The following PDE4B variants were observed in gnomAD, a reference collection of about 807,000 sequenced individuals.
The protein encoded by PDE4B is 3',5'-cyclic-AMP phosphodiesterase 4B.
PDE4B carries 20 observed loss-of-function variants against 82.2 expected under a neutral mutation model. That is an observed-to-expected ratio of 0.24 (90% CI 0.17 to 0.35). PDE4B has a LOEUF of 0.35. PDE4B is among the 10% of genes least tolerant of loss of function. The pLI is 1.00. For missense variants in PDE4B, 655 were observed against 907.2 expected, an observed-to-expected ratio of 0.72 and a Z score of 3.57; for synonymous variants, 320 against 318.9, an observed-to-expected ratio of 1.00 and a Z score of -0.04.
At chr1:65,848,753 G>A (rs143802352) in intron 1 of PDE4B, among the ~76,000 whole-genome samples, 168 of 152,150 alleles carry the variant, frequency 1.1e-3, no homozygotes, top group African/African-American at 2.7e-3. Context: ...ATGTTATTGC[G>A]TTGATATATG....
rs145326436 is a variant in PDE4B at position 66,142,895 on chromosome 1, C to T, written c.282-104565C>T. On this transcript the variant is annotated intron_variant, in intron 3 of 16. Coordinates refer to ENST00000341517, the MANE Select transcript of PDE4B (RefSeq NM_002600.4). ...ACTCAGTTCAGCTACCAGAAAAGGT[C>T]TCCACAGAAGATTTCTCTCCCAGCA... 3.2e-4 allele frequency among the ~76,000 whole-genome samples: 49 copies of T among 152,280 alleles called. 1 individual carries two copies. In the East Asian group the frequency reaches 9.2e-3, roughly 29 times the overall value.
intron 7 of PDE4B, among the ~76,000 whole-genome samples, chr1:66,277,318 C>T (rs866413334): frequency 1.1e-4 from 16 of 152,098 alleles, no homozygotes; most frequent in Middle Eastern, 3.4e-3. Context: ...CAGTTGGGAG[C>T]CATTAAAAGA....
At chr1:65,991,103 A>G (rs1651218186) in intron 3 of PDE4B, among the ~76,000 whole-genome samples, 1 of 151,330 alleles carries the variant, frequency 6.6e-6, no homozygotes, top group South Asian at 2.1e-4. Context: ...TTTTTGAGAC[A>G]AAGGCACACT....
intron 3 of PDE4B, among the ~76,000 whole-genome samples, chr1:65,995,956 T>C (rs946514087): frequency 6.6e-6 from 1 of 152,200 alleles, no homozygotes; most frequent in African/African-American, 2.4e-5. Context: ...CATATTTCAG[T>C]CAGATGGATG....
In PDE4B at chr1:65,993,327, C is replaced by T. The variant is rs140890157; in HGVS notation, c.281+74492C>T. 3.8e-3 allele frequency among the ~76,000 whole-genome samples: 572 copies of T among 152,270 alleles called. 2 individuals carry two copies. Among genetic ancestry groups the T allele is most frequent in the African/African-American group, 0.013 (521 of 41,556 alleles). On this transcript the variant is annotated intron_variant, in intron 3 of 16. Transcript: ENST00000341517. Reference sequence around the variant, plus strand: ...CACTGTGTGCTAAATTGTCATTGTGCTACTAGCTTTTTCCAGATAAAATAT... The same window carrying T: ...CACTGTGTGCTAAATTGTCATTGTGTTACTAGCTTTTTCCAGATAAAATAT...
At chr1:66,247,764 G>A in intron 4 of PDE4B, 110 bp downstream of exon 4, 1 of 802,268 alleles carries the variant, frequency 1.2e-6, no homozygotes, top group Non-Finnish European at 1.9e-6. Context: ...GATGAAGGAA[G>A]AAAATGAATA....
intron 3 of PDE4B, among the ~76,000 whole-genome samples, chr1:66,208,105 T>C (rs925339764): frequency 6.6e-6 from 1 of 152,214 alleles, no homozygotes; most frequent in African/African-American, 2.4e-5. Context: ...ATCAATTAAG[T>C]AGCTTAAGTT....
At chr1:66,022,958 G>A (rs1214680619) in intron 3 of PDE4B, among the ~76,000 whole-genome samples, 1 of 151,998 alleles carries the variant, frequency 6.6e-6, no homozygotes, top group Admixed American at 6.6e-5. Flanking sequence ...TTCTTGGTAG[G>A]CTATTAATTA....
intron 3 of PDE4B, among the ~76,000 whole-genome samples, chr1:65,936,746 G>C (rs1406593005): frequency 6.6e-6 from 1 of 152,156 alleles, no homozygotes; most frequent in Non-Finnish European, 1.5e-5. Context: ...TTCTCCAAAA[G>C]TAGGAGGTTA....
intron 7 of PDE4B, among the ~76,000 whole-genome samples, chr1:66,315,992 G>A (rs1009362979): frequency 3.3e-5 from 5 of 152,214 alleles, no homozygotes; most frequent in Admixed American, 3.3e-4. Context: ...CTGGGTACCA[G>A]CTAGAGCCTT....
At chr1:65,952,979 C>T (rs1002247967) in intron 3 of PDE4B, among the ~76,000 whole-genome samples, 3 of 152,098 alleles carry the variant, frequency 2.0e-5, no homozygotes, top group African/African-American at 7.2e-5. Flanking sequence ...GTCTCAGAGA[C>T]TAGCTCTCAG....
intron 3 of PDE4B, among the ~76,000 whole-genome samples, chr1:66,139,159 G>A (rs1646118302): frequency 6.6e-6 from 1 of 152,190 alleles, no homozygotes; most frequent in South Asian, 2.1e-4. Context: ...TTCATCAGAA[G>A]TCCAAGTACA....
chr1:66,117,175 G>C (rs553519564), intron 3 of PDE4B, among the ~76,000 whole-genome samples: 2 of 152,144 alleles, frequency 1.3e-5, no homozygotes, highest in African/African-American at 4.8e-5. Context: ...AGGTAAGTAG[G>C]TTGTAGATTA....
Position 66,354,758 on chromosome 1 carries a change from G to C in PDE4B, c.748-769G>C. The C allele has an allele frequency of 2.6e-6, 4 of 1,509,922 alleles. No homozygotes were observed. In the South Asian group the frequency reaches 5.0e-5, roughly 19 times the overall value. The allele number at this position is 1,509,922 out of a possible 1,614,324, so 93.5% of individuals were successfully genotyped here. On this transcript the variant is annotated intron_variant, in intron 8 of 16. Transcript: ENST00000341517. ...GATTATTTTATCACTGAATCTGCAGGGCTTTCCTGATCCTTTCGGGATTGC... is the reference window on the plus strand; with the variant it reads ...GATTATTTTATCACTGAATCTGCAGCGCTTTCCTGATCCTTTCGGGATTGC...
intron 7 of PDE4B, among the ~76,000 whole-genome samples, chr1:66,301,006 A>G (rs757634808): frequency 3.9e-5 from 6 of 152,194 alleles, no homozygotes; most frequent in Non-Finnish European, 8.8e-5. Context: ...TCTAGTAAAG[A>G]GCGAAAAAGA....
chr1:66,126,499 C>T (rs1645826764), intron 3 of PDE4B, among the ~76,000 whole-genome samples: 1 of 152,022 alleles, frequency 6.6e-6, no homozygotes, highest in Non-Finnish European at 1.5e-5. Context: ...AAAGCTTTGA[C>T]CTAAAATATA....
At chr1:66,046,994 T>G (rs1475882951) in intron 3 of PDE4B, among the ~76,000 whole-genome samples, 1 of 151,862 alleles carries the variant, frequency 6.6e-6, no homozygotes, top group African/African-American at 2.4e-5. Flanking sequence ...ATAGCAAAAC[T>G]AAGAATAAAT....
intron 3 of PDE4B, among the ~76,000 whole-genome samples, chr1:66,233,569 G>A (rs545532775): frequency 9.2e-5 from 14 of 152,184 alleles, no homozygotes; most frequent in African/African-American, 1.9e-4. Flanking sequence ...GAGTAGAAGC[G>A]GAAAGAACAG....
At chr1:66,211,353 ACT>A (rs1375035523) in intron 3 of PDE4B, among the ~76,000 whole-genome samples, 1 of 151,860 alleles carries the variant, frequency 6.6e-6, no homozygotes, top group Non-Finnish European at 1.5e-5. Flanking sequence ...CTCTCTTTAA[ACT>A]CTCAAAACCT....
Sources: gnomAD v4.1 joint callset for allele counts (sites outside exome capture counted in the v4.1 genomes callset) on GRCh38, gnomAD v4.1.1 for gene constraint, MANE v1.5 for transcripts, NCBI Gene and HGNC (gene_info 2026-07-23, HGNC 2026-07-21) for gene names.